DDB2: variants seen among roughly 807,000 people sequenced by gnomAD.
DDB2 encodes the protein damage specific DNA binding protein 2, also known as DNA damage-binding protein 2.
Under a neutral mutation model 50.5 loss-of-function variants are expected in DDB2, and 27 were observed. The ratio of observed to expected loss-of-function variants is 0.53; its 90% CI spans 0.39 to 0.74. The LOEUF (loss-of-function observed/expected upper bound fraction) is 0.74. Ranked by LOEUF, DDB2 falls within the 30% of genes least tolerant of loss-of-function variation. The probability of loss-of-function intolerance (pLI) is 0.00; values close to 1 mark genes in which losing one functional copy is unlikely to be tolerated. For missense variants in DDB2, 424 were observed against 545.6 expected, an observed-to-expected ratio of 0.78 and a Z score of 2.22; for synonymous variants, 176 against 205.5, an observed-to-expected ratio of 0.86 and a Z score of 1.23.
chr11:47,238,673 C>T (rs371315799), intron 9 of DDB2, 127 bp from the exon 10 acceptor site: 10 of 966,318 alleles, frequency 1.0e-5, no homozygotes, highest in South Asian at 2.7e-5. Context: ...GCTGGGATTA[C>T]AGACTTGAGC....
At chr11:47,234,985 C>G (rs373301292) in intron 6 of DDB2, 51 bp downstream of exon 6, 1 of 1,598,270 alleles carries the variant, frequency 6.3e-7, no homozygotes, top group Admixed American at 1.7e-5. Flanking sequence ...TGTCTGACCA[C>G]TGCTGGGGTT....
intron 3 of DDB2, among the ~76,000 whole-genome samples, chr11:47,222,052 T>G (rs1016253652): frequency 2.0e-5 from 3 of 152,198 alleles, no homozygotes; most frequent in African/African-American, 7.2e-5. Context: ...TGTACAACTG[T>G]GAAGCCATCA....
intron 3 of DDB2, among the ~76,000 whole-genome samples, chr11:47,229,635 AAG>A (rs1036962711): frequency 2.0e-5 from 3 of 152,150 alleles, no homozygotes; most frequent in Admixed American, 1.3e-4. Context: ...TAAACATGGA[AAG>A]AGAGAAACTC....
chr11:47,233,459 A>G, intron 4 of DDB2: 1 of 206,882 alleles, frequency 4.8e-6, no homozygotes, highest in Non-Finnish European at 1.0e-5. Context: ...AAATCCCAGC[A>G]CTTTGGGAGG....
chr11:47,234,516 G>C, intron 4 of DDB2, 57 bp from the exon 5 acceptor site: 1 of 1,437,240 alleles, frequency 7.0e-7, no homozygotes, highest in Non-Finnish European at 9.8e-7. Flanking sequence ...CGGCAACAGT[G>C]AGTAAATAGG....
At chr11:47,234,107 T>C (rs1023070087) in intron 4 of DDB2, among the ~76,000 whole-genome samples, 8 of 152,174 alleles carry the variant, frequency 5.3e-5, no homozygotes, top group Non-Finnish European at 1.2e-4. Context: ...GTTGTGTTTT[T>C]TCCCCCAGTG....
In DDB2 at chr11:47,235,356, C is replaced by A. The variant is rs746711900; in HGVS notation, c.967C>A (p.Pro323Thr). The change falls in exon 7 of 10, where the codon CCC becomes ACC. Residue 323 changes from proline (P) to threonine (T), a missense_variant. Coordinates refer to ENST00000256996, the MANE Select transcript of DDB2 (RefSeq NM_000107.3). ...RVYSASQWDC[P>T]LGLIPHPHRH... Reference sequence around the variant, plus strand: ...TTACTCTGCTTCCCAGTGGGACTGCCCCCTGGGCCTGATCCCGCACCCTCA... The same window carrying A: ...TTACTCTGCTTCCCAGTGGGACTGCACCCTGGGCCTGATCCCGCACCCTCA... 1 of 1,614,072 alleles carries A rather than the reference C, an allele frequency of 6.2e-7. No individual in the cohort carries two copies. The highest frequency in any genetic ancestry group is 8.5e-7 in the Non-Finnish European group (1 of 1,180,024).
chr11:47,215,553 AC>A (rs1953389695), intron 1 of DDB2: 5 of 438,846 alleles, frequency 1.1e-5, no homozygotes, highest in South Asian at 6.3e-5. Flanking sequence ...AGAGAATCCT[AC>A]CTTTCCTGGC....
At chr11:47,218,975 C>T (rs781343259) in intron 3 of DDB2, among the ~76,000 whole-genome samples, 12 of 151,920 alleles carry the variant, frequency 7.9e-5, no homozygotes, top group South Asian at 4.1e-4. Flanking sequence ...GGCGGACTCT[C>T]GCTCTGTCAC....
chr11:47,216,732 C>A (rs1953405359), intron 2 of DDB2, 126 bp from the exon 3 acceptor site: 1 of 1,068,990 alleles, frequency 9.4e-7, no homozygotes. Context: ...ATGCACAGGG[C>A]AGGCAGTTAG....
At chr11:47,230,560 A>G (rs944091636) in intron 3 of DDB2, among the ~76,000 whole-genome samples, 1 of 152,220 alleles carries the variant, frequency 6.6e-6, no homozygotes, top group Non-Finnish European at 1.5e-5. Flanking sequence ...TGGTAAGCAT[A>G]GAACTCAACT....
In DDB2 at chr11:47,214,981, A is replaced by AC; in HGVS notation, c.-155dup. ...GGGCCGGAGCTCCAAGCTGGTTTGA[A>AC]CAAGCCCTGGGCATGTTTGGCGGGA... On this transcript the variant is annotated 5_prime_UTR_variant, in exon 1 of 10. Coordinates refer to ENST00000256996, the MANE Select transcript of DDB2 (RefSeq NM_000107.3). 1 of 1,140,628 alleles carries AC rather than the reference A, an allele frequency of 8.8e-7. No homozygotes were observed. The highest frequency in any genetic ancestry group is 2.4e-5 in the East Asian group (1 of 41,826). 70.7% of individuals were successfully genotyped at this position (1,140,628 alleles called of 1,614,324 possible).
Position 47,234,601 on chromosome 11 carries a change from G to A in DDB2, c.631G>A (p.Ala211Thr). ...NIWFCSLDVS[A>T]SSRMVVTGDN... ...CTGGTTTTGTAGCCTGGATGTGTCT[G>A]CTAGTAGCCGAATGGTGGTCACAGG... The change falls in exon 5 of 10, where the codon GCT becomes ACT. Residue 211 changes from alanine (A) to threonine (T), a missense_variant. Physicochemically the swap from Ala to Thr is moderately conservative, Grantham distance 58 (BLOSUM62 0). Transcript: ENST00000256996. 6.2e-7 allele frequency: 1 copy of A among 1,614,124 alleles called. No individual in the cohort carries two copies. The highest frequency in any genetic ancestry group is 8.5e-7 in the Non-Finnish European group (1 of 1,180,024).
At position 47,218,269 on chromosome 11, in the gene DDB2, G is replaced by C. The variant is rs149970933; in HGVS notation, c.456+1220G>C. 1.8e-4 allele frequency among the ~76,000 whole-genome samples: 27 copies of C among 152,230 alleles called. 2 individuals are homozygous for C. Among genetic ancestry groups the C allele is most frequent in the African/African-American group, 5.8e-4 (24 of 41,532 alleles). Reference sequence around the variant, plus strand: ...TGATGGCAGGGACCTTTCCTTTCTGGTTCACCATCCTATTCCCAGTGCCTG... The same window carrying C: ...TGATGGCAGGGACCTTTCCTTTCTGCTTCACCATCCTATTCCCAGTGCCTG... On this transcript the variant is annotated intron_variant, in intron 3 of 9. Transcript: ENST00000256996.
At chr11:47,233,492 G>A (rs2135509891) in intron 4 of DDB2, 1 of 191,590 alleles carries the variant, frequency 5.2e-6, no homozygotes, top group East Asian at 1.2e-4. Context: ...GATCACCTGA[G>A]GTCAGGAGTT....
At chr11:47,217,989 T>G (rs899948669) in intron 3 of DDB2, among the ~76,000 whole-genome samples, 9 of 152,226 alleles carry the variant, frequency 5.9e-5, no homozygotes, top group Non-Finnish European at 1.2e-4. Flanking sequence ...CTGTTTCTAT[T>G]CCTGAAACCG....
chr11:47,222,076 A>G (rs1226874478), intron 3 of DDB2, among the ~76,000 whole-genome samples: 1 of 152,218 alleles, frequency 6.6e-6, no homozygotes, highest in Non-Finnish European at 1.5e-5. Flanking sequence ...CAATTAAAAT[A>G]ACTCCCATTT....
chr11:47,215,320 G>A (rs1003569897), intron 1 of DDB2, 57 bp downstream of exon 1: 109 of 1,610,886 alleles, frequency 6.8e-5, no homozygotes, highest in Non-Finnish European at 6.8e-5. Context: ...TCGCGCAGGA[G>A]GCTGCAGCGG....
intron 5 of DDB2, 41 bp downstream of exon 5, chr11:47,234,713 A>G: frequency 6.2e-7 from 1 of 1,613,536 alleles, no homozygotes; most frequent in Non-Finnish European, 8.5e-7. Context: ...CCTCACCCCC[A>G]CCTCGGTTCT....
Sources: allele counts gnomAD v4.1 joint callset (sites outside exome capture counted in the v4.1 genomes callset), GRCh38; gene constraint gnomAD v4.1.1; transcripts MANE v1.5; gene names NCBI Gene and HGNC (gene_info 2026-07-23, HGNC 2026-07-21).